MMP8: variants seen among roughly 807,000 people sequenced by gnomAD.
The protein encoded by MMP8 is neutrophil collagenase.
In MMP8, 67 loss-of-function variants were observed where a neutral mutation model predicts 51.2. That is an observed-to-expected ratio of 1.31 (90% CI 1.08 to 1.60). The LOEUF (loss-of-function observed/expected upper bound fraction) is 1.60. Ranked by LOEUF, MMP8 falls within the 40% of genes most tolerant of loss-of-function variation. The pLI is 0.00. For missense variants in MMP8, 654 were observed against 558.1 expected, an observed-to-expected ratio of 1.17 and a Z score of -1.73; for synonymous variants, 225 against 191.0, an observed-to-expected ratio of 1.18 and a Z score of -1.47.
rs33927742 is a variant in MMP8, at chr11:102,713,476, A to G, written c.1295-19T>C. 90,166 of 1,557,138 alleles carry G rather than the reference A, an allele frequency of 0.058. 3,848 individuals carry two copies. The highest frequency in any genetic ancestry group is 0.21 in the African/African-American group (15,672 of 73,742). On this transcript the variant is annotated intron_variant, in intron 9 of 9. Coordinates refer to ENST00000236826, the MANE Select transcript of MMP8 (RefSeq NM_002424.3). ...AAGAAATCTATAAAAAAAGAGAGAT[A>G]ATTTATTGAATTAGCTTATAGAATA...
At position 102,716,395 on chromosome 11, in the gene MMP8, G is replaced by A. The variant is rs1454349859; in HGVS notation, c.809C>T (p.Pro270Leu). The A allele has an allele frequency of 2.9e-6, 4 of 1,395,954 alleles. No individual in the cohort carries two copies. Among genetic ancestry groups the A allele is most frequent in the Non-Finnish European group, 3.9e-6 (4 of 1,018,266 alleles). The allele number at this position is 1,395,954 out of a possible 1,614,324, so 86.5% of individuals were successfully genotyped here. A position where few individuals can be genotyped will look rare whatever the true frequency, so the allele number is the denominator to read the frequency against. ...GGGTTTGGGTGTGCTTGGTCCAGTA[G>A]GTTGGATAGGGTTGCTTGAAAGTCC... ...IYGLSSNPIQ[P>L]TGPSTPKPCD... Residue 270 changes from proline to leucine, a missense_variant, in exon 6 of 10, where the codon CCT becomes CTT. Coordinates refer to ENST00000236826, the MANE Select transcript of MMP8 (RefSeq NM_002424.3).
rs972565850 is a variant in MMP8 at position 102,712,811 on chromosome 11, A to C, written c.*537T>G. ...CATGGGTACCTGGGGTTAGAACTTC[A>C]ACATATCTTTTATGGGGGACACAAT... On this transcript the variant is annotated 3_prime_UTR_variant, in exon 10 of 10. Transcript: ENST00000236826. The C allele has an allele frequency of 1.3e-5, 2 of 152,424 alleles. No homozygotes were observed. Among genetic ancestry groups the C allele is most frequent in the Non-Finnish European group, 2.9e-5 (2 of 68,242 alleles). The allele number at this position is 152,424 out of a possible 1,614,324, so 9.4% of individuals were successfully genotyped here.
At chr11:102,718,321 C>T (rs34829643) in intron 5 of MMP8, 93 bp downstream of exon 5, 17,286 of 1,315,870 alleles carry the variant, frequency 0.013, 192 homozygotes, top group South Asian at 0.036. Flanking sequence ...ATGGAAACTG[C>T]AGAAGTGCAA....
intron 9 of MMP8, 24 bp from the exon 10 acceptor site, chr11:102,713,481 A>G (rs1861186968): frequency 6.4e-7 from 1 of 1,552,002 alleles, no homozygotes; most frequent in Non-Finnish European, 8.9e-7. Context: ...GAGATAATTT[A>G]TTGAATTAGC....
At chr11:102,718,125 A>C (rs1861356604) in intron 5 of MMP8, among the ~76,000 whole-genome samples, 1 of 152,044 alleles carries the variant, frequency 6.6e-6, no homozygotes, top group South Asian at 2.1e-4. Context: ...AAAAAAATTT[A>C]AAATTGGAAA....
chr11:102,722,104 T>C (rs1437693260), intron 2 of MMP8, among the ~76,000 whole-genome samples: 1 of 152,078 alleles, frequency 6.6e-6, no homozygotes, highest in East Asian at 1.9e-4. Flanking sequence ...ATTATTAAGA[T>C]GTATGAAAGG....
intron 5 of MMP8, among the ~76,000 whole-genome samples, chr11:102,718,180 G>T (rs1282653067): frequency 1.3e-5 from 2 of 151,856 alleles, no homozygotes; most frequent in African/African-American, 4.8e-5. Context: ...ACCATCCAAA[G>T]ACAATAACTG....
rs199670970 is a variant in MMP8 at position 102,721,650 on chromosome 11, C to A, written c.460G>T (p.Gly154Ter). 156 of 1,613,818 alleles carry A rather than the reference C, an allele frequency of 9.7e-5. 1 individual carries two copies. In the East Asian group the frequency reaches 2.7e-3, roughly 28 times the overall value. The change falls in exon 3 of 10, where the codon GGA becomes TGA. Residue 154 changes from glycine to a stop codon, truncating the protein, a stop_gained. Transcript: ENST00000236826. LOFTEE classifies it high-confidence loss of function. ...SPLIFTRISQ[G>*]EADINIAFYQ... ...AAAGCAATGTTGATATCTGCCTCTC[C>A]CTGTGAGATCCTGGTGAAGATGAGA...
Position 102,715,443 on chromosome 11 carries a change from G to A in MMP8, c.903-6C>T, listed in dbSNP as rs34799325. 1,224 of 1,608,552 alleles carry A rather than the reference G, an allele frequency of 7.6e-4. 9 individuals are homozygous for A. In the African/African-American group the frequency reaches 7.7e-3, roughly 10 times the overall value. ...GATGCCTTCTCCAGAAGTACCTAACGGAACATAAGGAAACACACACACACA... is the reference window on the plus strand; with the variant it reads ...GATGCCTTCTCCAGAAGTACCTAACAGAACATAAGGAAACACACACACACA... On this transcript the variant is annotated splice_region_variant and splice_polypyrimidine_tract_variant and intron_variant, in intron 6 of 9. Transcript: ENST00000236826.
In MMP8 at chr11:102,721,746, G is replaced by A; in HGVS notation, c.364C>T (p.Pro122Ser). Reference sequence around the variant, plus strand: ...TCTACCTCAGCCTCTGACAGCTGTGGGGTATAGTTTCGAATCCTTCAAAAT... The same window carrying A: ...TCTACCTCAGCCTCTGACAGCTGTGAGGTATAGTTTCGAATCCTTCAAAAT... Reference protein sequence around the residue: ...NLTYRIRNYTPQLSEAEVERA... With the variant: ...NLTYRIRNYTSQLSEAEVERA... The change falls in exon 3 of 10, where the codon CCA (proline) becomes TCA (serine). Residue 122 changes from proline to serine, a missense_variant. Pro to Ser is a moderately conservative substitution (Grantham distance 74). Transcript: ENST00000236826. 6.2e-7 allele frequency: 1 copy of A among 1,613,710 alleles called. No homozygotes were observed. Among genetic ancestry groups the A allele is most frequent in the South Asian group, 1.1e-5 (1 of 91,062 alleles).
At position 102,712,642 on chromosome 11, in the gene MMP8, T is replaced by C. The variant is rs1291327; in HGVS notation, c.*706A>G. The stretch of plus-strand genomic sequence containing the variant: ...ACTCCAATCTCTGCCTCTGTCTTCA[T>C]ACGGCCTCCTCCCCTAGGTGACTAT... On this transcript the variant is annotated 3_prime_UTR_variant, in exon 10 of 10. Coordinates refer to ENST00000236826, the MANE Select transcript of MMP8 (RefSeq NM_002424.3). 0.92 allele frequency: 140,507 copies of C among 152,314 alleles called. 64,877 individuals are homozygous for C. The highest frequency in any genetic ancestry group is 1 in the East Asian group (5,178 of 5,184). The allele number at this position is 152,314 out of a possible 1,614,324, so 9.4% of individuals were successfully genotyped here. A position where few individuals can be genotyped will look rare whatever the true frequency, so the allele number is the denominator to read the frequency against.
In MMP8 at chr11:102,723,090, A is replaced by G. The variant is rs553894019; in HGVS notation, c.103-417T>C. The G allele has an allele frequency of 1.6e-3, 1,966 of 1,266,920 alleles. 6 individuals are homozygous for G. The highest frequency in any genetic ancestry group is 1.7e-3 in the Non-Finnish European group (1,682 of 968,586). The allele number at this position is 1,266,920 out of a possible 1,614,324, so 78.5% of individuals were successfully genotyped here. ...AAGGCTTATTTATTCTGCTGAACAA[A>G]CAGAAGCACAGAGAATTAAGGAATT... On this transcript the variant is annotated intron_variant, in intron 1 of 9. Transcript: ENST00000236826.
intron 1 of MMP8, chr11:102,723,972 TA>T (rs1248297485): frequency 1.0e-5 from 3 of 298,990 alleles, no homozygotes; most frequent in African/African-American, 2.2e-5. Context: ...AATGCTCCAA[TA>T]AGGTTCTTGT....
At chr11:102,721,318 TTGTG>T (rs5794191) in intron 4 of MMP8, 79 bp downstream of exon 4, 321,197 of 1,352,144 alleles carry the variant, frequency 0.24, 31,665 homozygotes, top group Non-Finnish European at 0.27. Context: ...GTTACCTTTA[TTGTG>T]TGTGTGTGTG....
At chr11:102,713,562 C>A in intron 9 of MMP8, 105 bp from the exon 10 acceptor site, 1 of 1,092,956 alleles carries the variant, frequency 9.1e-7, no homozygotes, top group Non-Finnish European at 1.3e-6. Flanking sequence ...CAAATGCAAA[C>A]ATGCTATTTA....
chr11:102,723,535 G>C (rs1861535280), intron 1 of MMP8: 1 of 456,056 alleles, frequency 2.2e-6, no homozygotes, highest in Non-Finnish European at 4.4e-6. Flanking sequence ...TGGCTTCTGA[G>C]ATGGCCTTGT....
At position 102,721,466 on chromosome 11, in the gene MMP8, G is replaced by A; in HGVS notation, c.557C>T (p.Pro186Leu). 6.2e-7 allele frequency: 1 copy of A among 1,613,818 alleles called. No homozygotes were observed. The highest frequency in any genetic ancestry group is 1.1e-5 in the South Asian group (1 of 91,080). ...AGCATCTCCTCCAATACCTTGGCCT[G>A]GCTGAAAGGCATGAGCAAGGATTCC... is the stretch of plus-strand genomic sequence containing the variant. ...PNGILAHAFQ[P>L]GQGIGGDAHF... Residue 186 changes from proline (P) to leucine (L), a missense_variant, in exon 4 of 10, where the codon CCA becomes CTA. Pro to Leu is a moderately conservative substitution (Grantham distance 98). Coordinates refer to ENST00000236826, the MANE Select transcript of MMP8 (RefSeq NM_002424.3).
chr11:102,713,914 A>AT, intron 8 of MMP8, 57 bp from the exon 9 acceptor site: 11 of 1,310,274 alleles, frequency 8.4e-6, no homozygotes, highest in Admixed American at 2.3e-5. Flanking sequence ...AACGAAAAAA[A>AT]TTTTTTTTAT....
chr11:102,712,208 C>A lies in MMP8; in HGVS notation c.*1140G>T, dbSNP rs188953016. 6.6e-6 allele frequency: 1 copy of A among 152,308 alleles called. No individual in the cohort carries two copies. The highest frequency in any genetic ancestry group is 1.5e-5 in the Non-Finnish European group (1 of 68,032). The allele number at this position is 152,308 out of a possible 1,614,324, so 9.4% of individuals were successfully genotyped here. A position where few individuals can be genotyped will look rare whatever the true frequency, so the allele number is the denominator to read the frequency against. On this transcript the variant is annotated 3_prime_UTR_variant, in exon 10 of 10. Transcript: ENST00000236826. ...TACCCCAGGAAATAGAAGTAAAGAA[C>A]TGACGAACATCAGATCCAACTGGCC...
Sources: gnomAD v4.1 joint callset for allele counts (sites outside exome capture counted in the v4.1 genomes callset) on GRCh38, gnomAD v4.1.1 for gene constraint, MANE v1.5 for transcripts, NCBI Gene and HGNC (gene_info 2026-07-23, HGNC 2026-07-21) for gene names.